The following CNTN5 variants were observed in gnomAD, a reference collection of about 807,000 sequenced individuals.
CNTN5 encodes the protein contactin 5, also known as contactin-5.
A neutral mutation model predicts 129.1 loss-of-function variants in CNTN5; 77 were observed. That is an observed-to-expected ratio of 0.60 (90% confidence interval 0.50 to 0.72). The LOEUF is 0.72. Ranked by LOEUF, CNTN5 falls within the 30% of genes least tolerant of loss-of-function variation. The probability of loss-of-function intolerance (pLI) is 0.00; values close to 1 mark genes in which losing one functional copy is unlikely to be tolerated. For synonymous variants in CNTN5, 509 were observed against 465.6 expected, an observed-to-expected ratio of 1.09 and a Z score of -1.20; for missense variants, 1,478 against 1,328.8, an observed-to-expected ratio of 1.11 and a Z score of -1.75.
At chr11:100,252,842 G>T (rs557692184) in intron 16 of CNTN5, among the ~76,000 whole-genome samples, 6 of 152,104 alleles carry the variant, frequency 3.9e-5, no homozygotes, top group Admixed American at 1.3e-4. Flanking sequence ...TAATTGGACT[G>T]ACAACTGTCT....
At chr11:99,418,451 G>A (rs770596846) in intron 2 of CNTN5, among the ~76,000 whole-genome samples, 7 of 152,116 alleles carry the variant, frequency 4.6e-5, no homozygotes, top group Non-Finnish European at 8.8e-5. Context: ...TGTTAAAAGC[G>A]CTCAAGTTCA....
intron 3 of CNTN5, among the ~76,000 whole-genome samples, chr11:99,690,960 T>A (rs1365627897): frequency 6.6e-6 from 1 of 152,014 alleles, no homozygotes; most frequent in African/African-American, 2.4e-5. Flanking sequence ...TACTCAGGGA[T>A]TTAGTTTCTT....
intron 2 of CNTN5, among the ~76,000 whole-genome samples, chr11:99,328,673 C>A (rs989328853): frequency 2.0e-5 from 3 of 151,616 alleles, no homozygotes; most frequent in Non-Finnish European, 4.4e-5. Flanking sequence ...GAGTTTGAGA[C>A]CAGCTTGACC....
chr11:99,305,874 G>A (rs1429602534), intron 1 of CNTN5, among the ~76,000 whole-genome samples: 7 of 151,814 alleles, frequency 4.6e-5, no homozygotes, highest in East Asian at 1.9e-4. Flanking sequence ...CCAGCTACTC[G>A]GGAGGCTGAG....
intron 1 of CNTN5, among the ~76,000 whole-genome samples, chr11:99,324,770 T>C (rs1422433249): frequency 1.3e-5 from 2 of 152,064 alleles, no homozygotes; most frequent in African/African-American, 4.8e-5. Flanking sequence ...GCCTCCCAAG[T>C]AGCTGGGACT....
At chr11:99,706,272 A>C (rs571428941) in intron 3 of CNTN5, among the ~76,000 whole-genome samples, 1 of 151,580 alleles carries the variant, frequency 6.6e-6, no homozygotes, top group South Asian at 2.1e-4. Flanking sequence ...CCTGTATTAT[A>C]CAGAACTTTA....
At chr11:99,212,882 A>G (rs1377636226) in intron 1 of CNTN5, among the ~76,000 whole-genome samples, 1 of 152,166 alleles carries the variant, frequency 6.6e-6, no homozygotes, top group Admixed American at 6.6e-5. Flanking sequence ...CAGTAATTAC[A>G]TATAGGCTAC....
At chr11:99,645,712 A>T in intron 3 of CNTN5, among the ~76,000 whole-genome samples, 1 of 151,738 alleles carries the variant, frequency 6.6e-6, no homozygotes, top group East Asian at 1.9e-4. Context: ...AAAACCAAAC[A>T]CCACATGATC....
intron 6 of CNTN5, among the ~76,000 whole-genome samples, chr11:99,854,824 T>A (rs1490288019): frequency 1.3e-5 from 2 of 151,854 alleles, no homozygotes; most frequent in Non-Finnish European, 2.9e-5. Flanking sequence ...CGACAATTTG[T>A]GCTAGGAAAA....
chr11:99,897,581 C>G (rs1949240642), intron 6 of CNTN5, among the ~76,000 whole-genome samples: 1 of 152,102 alleles, frequency 6.6e-6, no homozygotes, highest in Non-Finnish European at 1.5e-5. Flanking sequence ...TACTCTTTCC[C>G]AGACAAGCAA....
chr11:99,578,398 C>G (rs994424696), intron 3 of CNTN5, among the ~76,000 whole-genome samples: 1 of 145,802 alleles, frequency 6.9e-6, no homozygotes, highest in Non-Finnish European at 1.5e-5. Context: ...CCTGAGGAAT[C>G]GCCACAATGA....
At chr11:99,116,725 G>A (rs571395238) in intron 1 of CNTN5, among the ~76,000 whole-genome samples, 10 of 152,168 alleles carry the variant, frequency 6.6e-5, no homozygotes, top group Non-Finnish European at 1.5e-4. Flanking sequence ...TCTGACTTGA[G>A]AAAGTGGGTA....
intron 13 of CNTN5, among the ~76,000 whole-genome samples, chr11:100,085,082 G>C (rs1676261752): frequency 6.6e-6 from 1 of 151,976 alleles, no homozygotes; most frequent in Non-Finnish European, 1.5e-5. Flanking sequence ...ACTTAAGGGG[G>C]AGTAAATAAT....
At chr11:100,028,788 T>C (rs971157488) in intron 9 of CNTN5, among the ~76,000 whole-genome samples, 1 of 152,220 alleles carries the variant, frequency 6.6e-6, no homozygotes, top group Non-Finnish European at 1.5e-5. Flanking sequence ...AATGTTTCTA[T>C]AGATATGAAA....
At chr11:99,805,831 A>G (rs957706557) in intron 3 of CNTN5, among the ~76,000 whole-genome samples, 3 of 152,330 alleles carry the variant, frequency 2.0e-5, no homozygotes, top group Middle Eastern at 3.4e-3. Context: ...CATTTTCTAA[A>G]AGGAGAGGAA....
At chr11:100,045,337 G>A (rs1005366608) in intron 9 of CNTN5, among the ~76,000 whole-genome samples, 2 of 152,032 alleles carry the variant, frequency 1.3e-5, no homozygotes, top group Non-Finnish European at 2.9e-5. Context: ...TTAAGGTTGT[G>A]TGTTTCTAGG....
chr11:99,407,608 C>T (rs1942136954), intron 2 of CNTN5, among the ~76,000 whole-genome samples: 1 of 152,146 alleles, frequency 6.6e-6, no homozygotes, highest in Non-Finnish European at 1.5e-5. Context: ...TCAACTGGCT[C>T]TTGGTCCAGT....
intron 13 of CNTN5, among the ~76,000 whole-genome samples, chr11:100,112,068 C>T (rs760780546): frequency 2.8e-4 from 43 of 152,146 alleles, no homozygotes; most frequent in Admixed American, 4.6e-4. Flanking sequence ...ATTACACCTC[C>T]GTGTTGACTT....
intron 1 of CNTN5, among the ~76,000 whole-genome samples, chr11:99,243,481 C>G (rs1034476504): frequency 6.6e-6 from 1 of 151,882 alleles, no homozygotes; most frequent in Non-Finnish European, 1.5e-5. Flanking sequence ...CCTTACTTGT[C>G]AATTGTAGTT....
Sources: gnomAD v4.1 joint callset for allele counts (sites outside exome capture counted in the v4.1 genomes callset) on GRCh38, gnomAD v4.1.1 for gene constraint, MANE v1.5 for transcripts, NCBI Gene and HGNC (gene_info 2026-07-23, HGNC 2026-07-21) for gene names.